HS3ST5: variants seen among roughly 807,000 people sequenced by gnomAD.
HS3ST5 encodes heparan sulfate glucosamine 3-O-sulfotransferase 5.
In HS3ST5, 10 loss-of-function variants were observed where a neutral mutation model predicts 25.4. The observed-to-expected ratio is 0.39, with a 90% confidence interval of 0.24 to 0.67. The LOEUF (loss-of-function observed/expected upper bound fraction) is 0.67, where lower values mean the gene tolerates loss of function less well. Ranked by LOEUF, HS3ST5 falls within the 30% of genes least tolerant of loss-of-function variation. The pLI is 0.44. For missense variants in HS3ST5, 324 were observed against 420.7 expected (o/e 0.77, Z 2.01); for synonymous variants, 170 against 162.4 (o/e 1.05, Z -0.36).
In HS3ST5 at chr6:114,123,113, C is replaced by T. The variant is rs970156147; in HGVS notation, c.-33+45238G>A. ...GGATTACAGGCATGCGCCACCGCAC[C>T]GGGCTAATTTTGTATTTTTAGTAGA... On this transcript the variant is annotated intron_variant, in intron 3 of 4. Transcript: ENST00000312719. 5.9e-5 allele frequency among the ~76,000 whole-genome samples: 9 copies of T among 152,276 alleles called. No homozygotes were observed. In the East Asian group the frequency reaches 7.7e-4, roughly 13 times the overall value.
chr6:114,134,778 C>A (rs781189441), intron 3 of HS3ST5, among the ~76,000 whole-genome samples: 1 of 152,206 alleles, frequency 6.6e-6, no homozygotes, highest in Non-Finnish European at 1.5e-5. Flanking sequence ...TTAGCCCCTA[C>A]CCTGTATGCA....
At chr6:114,268,792 G>T (rs575865214) in intron 1 of HS3ST5, among the ~76,000 whole-genome samples, 69 of 152,248 alleles carry the variant, frequency 4.5e-4, no homozygotes, top group African/African-American at 1.6e-3. Context: ...AGGATAGATG[G>T]GCTTTGACAA....
chr6:114,226,674 T>A (rs1322175570), intron 2 of HS3ST5, among the ~76,000 whole-genome samples: 1 of 151,960 alleles, frequency 6.6e-6, no homozygotes, highest in East Asian at 1.9e-4. Context: ...TTCTATAAAG[T>A]TTCTGTAATT....
At chr6:114,222,840 T>C (rs1782105077) in intron 2 of HS3ST5, among the ~76,000 whole-genome samples, 1 of 151,848 alleles carries the variant, frequency 6.6e-6, no homozygotes, top group African/African-American at 2.4e-5. Context: ...TCCAATGTCT[T>C]AGTGACCTAC....
intron 3 of HS3ST5, among the ~76,000 whole-genome samples, chr6:114,109,433 T>C (rs1417054859): frequency 1.3e-5 from 2 of 152,190 alleles, no homozygotes; most frequent in African/African-American, 4.8e-5. Context: ...TCCATCTGCC[T>C]GTTCAGTGGG....
At chr6:114,240,992 C>T (rs762682296) in intron 1 of HS3ST5, among the ~76,000 whole-genome samples, 23 of 151,968 alleles carry the variant, frequency 1.5e-4, no homozygotes, top group South Asian at 8.3e-4. Flanking sequence ...GGTTACACAA[C>T]GAAAGCAATG....
At chr6:114,181,330 T>G (rs1177321120) in intron 2 of HS3ST5, among the ~76,000 whole-genome samples, 1 of 152,218 alleles carries the variant, frequency 6.6e-6, no homozygotes, top group East Asian at 1.9e-4. Context: ...GGATATCTGA[T>G]GTTGCCCATA....
At chr6:114,194,481 C>G (rs917299907) in intron 2 of HS3ST5, among the ~76,000 whole-genome samples, 1 of 152,094 alleles carries the variant, frequency 6.6e-6, no homozygotes, top group Non-Finnish European at 1.5e-5. Context: ...TAAACAGAAA[C>G]CAGCCCTTTC....
rs202039058 is a variant in HS3ST5, at chr6:114,058,071, G to A, written c.227C>T (p.Ala76Val). Residue 76 changes from alanine (A) to valine (V), a missense_variant, in exon 5 of 5, where the codon GCT becomes GTT. Ala to Val is a moderately conservative substitution (Grantham distance 64). Transcript: ENST00000312719. ...GLLHEFRKGNASKEQVRLHDL... is the reference protein window; with the variant it reads ...GLLHEFRKGNVSKEQVRLHDL... ...ATGGAGGCGAACCTGCTCCTTGGAA[G>A]CGTTGCCCTTCCGGAACTCGTGCAG... 1 of 1,614,198 alleles carries A rather than the reference G, an allele frequency of 6.2e-7. No individual in the cohort carries two copies. The highest frequency in any genetic ancestry group is 1.3e-5 in the African/African-American group (1 of 75,050).
At chr6:114,161,536 T>C (rs1302096285) in intron 3 of HS3ST5, among the ~76,000 whole-genome samples, 33 of 51,030 alleles carry the variant, frequency 6.5e-4, no homozygotes, top group South Asian at 1.2e-3. Context: ...TATATATATA[T>C]ATATATATAT....
intron 1 of HS3ST5, among the ~76,000 whole-genome samples, chr6:114,286,271 A>G (rs1774335860): frequency 1.3e-5 from 2 of 152,040 alleles, no homozygotes; most frequent in African/African-American, 4.8e-5. Context: ...TAAAATGGTC[A>G]AATTCATATA....
chr6:114,084,517 C>T lies in HS3ST5; in HGVS notation c.-32-21640G>A. 3 of 758,384 alleles carry T rather than the reference C, an allele frequency of 4.0e-6. No homozygotes were observed. The South Asian group carries it at 4.0e-5, about 10-fold the overall frequency. The allele number at this position is 758,384 out of a possible 1,614,324, so 47.0% of individuals were successfully genotyped here. On this transcript the variant is annotated intron_variant, in intron 3 of 4. Transcript: ENST00000312719. The stretch of plus-strand genomic sequence containing the variant: ...GGTGCCACGCATGCGCAGAACTTCC[C>T]GAGCCGGCGTCCACCGCATCACACC...
intron 2 of HS3ST5, among the ~76,000 whole-genome samples, chr6:114,193,222 A>G (rs1780586877): frequency 6.6e-6 from 1 of 152,220 alleles, no homozygotes. Flanking sequence ...TGGAAGACAA[A>G]CATATGAACA....
At chr6:114,150,123 T>C (rs1238641527) in intron 3 of HS3ST5, among the ~76,000 whole-genome samples, 2 of 152,254 alleles carry the variant, frequency 1.3e-5, no homozygotes, top group Non-Finnish European at 2.9e-5. Flanking sequence ...ATATTCTTAC[T>C]GAAAACTAGT....
chr6:114,285,759 A>G (rs1372573549), intron 1 of HS3ST5, among the ~76,000 whole-genome samples: 1 of 152,036 alleles, frequency 6.6e-6, no homozygotes, highest in Non-Finnish European at 1.5e-5. Flanking sequence ...TAGGTGCAGC[A>G]AACCACATGT....
chr6:114,265,515 G>A (rs1178997765), intron 1 of HS3ST5, among the ~76,000 whole-genome samples: 1 of 152,140 alleles, frequency 6.6e-6, no homozygotes, highest in African/African-American at 2.4e-5. Flanking sequence ...GAAGATAGAA[G>A]CTCACTATGA....
chr6:114,089,889 C>T (rs988465560), intron 3 of HS3ST5, among the ~76,000 whole-genome samples: 8 of 152,104 alleles, frequency 5.3e-5, no homozygotes, highest in Non-Finnish European at 7.4e-5. Context: ...GGAAAGAAAA[C>T]GTTTCTTTTA....
At chr6:114,318,309 TC>T (rs1322948418) in intron 1 of HS3ST5, among the ~76,000 whole-genome samples, 1 of 152,208 alleles carries the variant, frequency 6.6e-6, no homozygotes, top group Non-Finnish European at 1.5e-5. Flanking sequence ...TTCAATCCCT[TC>T]ATTGATTTCA....
chr6:114,276,571 A>G (rs1773862441), intron 1 of HS3ST5, among the ~76,000 whole-genome samples: 1 of 150,798 alleles, frequency 6.6e-6, no homozygotes, highest in South Asian at 2.1e-4. Context: ...TTAGCCCATG[A>G]CCTGCTACAG....
Sources: gnomAD v4.1 joint callset for allele counts (sites outside exome capture counted in the v4.1 genomes callset) on GRCh38, gnomAD v4.1.1 for gene constraint, MANE v1.5 for transcripts, NCBI Gene and HGNC (gene_info 2026-07-23, HGNC 2026-07-21) for gene names.